Variants in FRMD4B observed in about 807,000 individuals in gnomAD.
FRMD4B encodes the protein FERM domain-containing protein 4B.
FRMD4B carries 74 observed loss-of-function variants against 141.5 expected under a neutral mutation model. The ratio of observed to expected loss-of-function variants is 0.52; its 90% confidence interval spans 0.43 to 0.63. The LOEUF is 0.63. Ranked by LOEUF, FRMD4B falls within the 30% of genes least tolerant of loss-of-function variation. FRMD4B has a pLI of 0.00. For missense variants in FRMD4B, 1,366 were observed against 1,253.4 expected (o/e 1.09, Z -1.36); for synonymous variants, 506 against 467.9 (o/e 1.08, Z -1.05).
intron 2 of FRMD4B, among the ~76,000 whole-genome samples, chr3:69,402,749 G>A (rs1018672957): frequency 6.6e-6 from 1 of 152,162 alleles, no homozygotes; most frequent in Non-Finnish European, 1.5e-5. Flanking sequence ...TATGACATGA[G>A]GGTAGGTGAG....
At position 69,538,556 on chromosome 3, in the gene FRMD4B, A is replaced by C. The variant is rs78522934; in HGVS notation, c.-129+3650T>G. Among the ~76,000 whole-genome samples the C allele has an allele frequency of 2.7e-3, 418 of 152,096 alleles. 6 individuals carry two copies. The East Asian group carries it at 0.05, about 18-fold the overall frequency. On this transcript the variant is annotated intron_variant, in intron 1 of 5. Transcript: ENST00000459638. The stretch of plus-strand genomic sequence containing the variant: ...TGACACTTGCTGTCTTGTTATACCT[A>C]AAAAAAATTACTGGTAGTAACCCAC...
At chr3:69,194,259 C>T (rs192623465) in intron 16 of FRMD4B, among the ~76,000 whole-genome samples, 1 of 152,270 alleles carries the variant, frequency 6.6e-6, no homozygotes, top group Admixed American at 6.5e-5. Flanking sequence ...GGTTGCATGA[C>T]CCTGGATACA....
chr3:69,538,309 AT>A (rs1239508755), intron 1 of FRMD4B, among the ~76,000 whole-genome samples: 1 of 151,826 alleles, frequency 6.6e-6, no homozygotes, highest in African/African-American at 2.4e-5. Flanking sequence ...TAAGAAAAAA[AT>A]ATATATTGTA....
At chr3:69,373,875 T>A (rs1278664022) in intron 1 of FRMD4B, among the ~76,000 whole-genome samples, 1 of 152,140 alleles carries the variant, frequency 6.6e-6, no homozygotes, top group African/African-American at 2.4e-5. Context: ...CCTGTCTCAA[T>A]CAATCAATCA....
intron 1 of FRMD4B, among the ~76,000 whole-genome samples, chr3:69,367,814 T>C (rs1703711861): frequency 6.6e-6 from 1 of 152,248 alleles, no homozygotes; most frequent in Admixed American, 6.5e-5. Context: ...TAGGAGGATT[T>C]CCTGAAATGG....
intron 4 of FRMD4B, among the ~76,000 whole-genome samples, chr3:69,295,687 C>T (rs1701013334): frequency 6.6e-6 from 1 of 152,172 alleles, no homozygotes; most frequent in Non-Finnish European, 1.5e-5. Flanking sequence ...CACAGCTTAG[C>T]TCCCTACTAC....
chr3:69,361,203 G>T (rs1703462828), intron 1 of FRMD4B, among the ~76,000 whole-genome samples: 2 of 151,932 alleles, frequency 1.3e-5, no homozygotes, highest in South Asian at 4.2e-4. Context: ...GGGCCATTTT[G>T]GTGAGTGAGA....
At chr3:69,418,344 A>G (rs906163541) in intron 2 of FRMD4B, among the ~76,000 whole-genome samples, 2 of 152,198 alleles carry the variant, frequency 1.3e-5, no homozygotes, top group Non-Finnish European at 2.9e-5. Flanking sequence ...TATAGTAGGC[A>G]GAAATCTAAC....
At chr3:69,317,177 C>T (rs1701829246) in intron 1 of FRMD4B, among the ~76,000 whole-genome samples, 1 of 152,172 alleles carries the variant, frequency 6.6e-6, no homozygotes, top group Non-Finnish European at 1.5e-5. Flanking sequence ...TTATTCTAGA[C>T]TATTCAACTG....
intron 22 of FRMD4B, among the ~76,000 whole-genome samples, chr3:69,172,700 C>G (rs1268171476): frequency 6.6e-6 from 1 of 152,128 alleles, no homozygotes; most frequent in Non-Finnish European, 1.5e-5. Context: ...CAGGACACAG[C>G]ATCACATTTA....
chr3:69,272,100 C>T (rs2093597083), intron 5 of FRMD4B, among the ~76,000 whole-genome samples: 1 of 152,150 alleles, frequency 6.6e-6, no homozygotes, highest in South Asian at 2.1e-4. Flanking sequence ...TATCAGTCTT[C>T]TGATGATTAG....
At chr3:69,470,646 T>C (rs984337577) in intron 1 of FRMD4B, among the ~76,000 whole-genome samples, 1 of 152,060 alleles carries the variant, frequency 6.6e-6, no homozygotes, top group African/African-American at 2.4e-5. Context: ...AGTCCTAGAG[T>C]TGCAACAAGT....
Position 69,188,073 on chromosome 3 carries a change from G to A in FRMD4B, c.1772-156C>T, listed in dbSNP as rs1035221779. 8.5e-5 allele frequency among the ~76,000 whole-genome samples: 13 copies of A among 152,142 alleles called. 1 individual carries two copies. Among genetic ancestry groups the A allele is most frequent in the Admixed American group, 8.5e-4 (13 of 15,268 alleles). On this transcript the variant is annotated intron_variant, in intron 18 of 22. Coordinates refer to ENST00000398540, the MANE Select transcript of FRMD4B (RefSeq NM_015123.3). ...TAGAAGAACATAACTCTTTCAAGAAGTTAATTTTTATATTTTATACACCAG... is the reference window on the plus strand; with the variant it reads ...TAGAAGAACATAACTCTTTCAAGAAATTAATTTTTATATTTTATACACCAG...
chr3:69,230,593 T>A (rs1460461273), intron 7 of FRMD4B, among the ~76,000 whole-genome samples: 2 of 151,518 alleles, frequency 1.3e-5, no homozygotes, highest in East Asian at 3.9e-4. Flanking sequence ...TAAAAAAATA[T>A]AAAAATTAGC....
intron 1 of FRMD4B, among the ~76,000 whole-genome samples, chr3:69,340,384 T>C (rs1038504524): frequency 2.0e-5 from 3 of 152,220 alleles, no homozygotes; most frequent in Non-Finnish European, 4.4e-5. Flanking sequence ...TCTCATTATT[T>C]AGCTCCCACT....
At chr3:69,304,045 C>A (rs1274005315) in intron 3 of FRMD4B, among the ~76,000 whole-genome samples, 2 of 151,984 alleles carry the variant, frequency 1.3e-5, no homozygotes, top group Non-Finnish European at 2.9e-5. Flanking sequence ...CTAATCCCAG[C>A]ACTTTAGGAG....
rs1414372844 is a variant in FRMD4B at position 69,465,828 on chromosome 3, T to A, written c.-128-33067A>T. 2.0e-5 allele frequency among the ~76,000 whole-genome samples: 3 copies of A among 152,218 alleles called. No homozygotes were observed. In the East Asian group the frequency reaches 5.8e-4, roughly 29 times the overall value. Reference sequence around the variant, plus strand: ...TGGGTTGGTTCCAAGTCTTTGCTATTGTGAATAGTGCCGCAATAAACATAT... The same window carrying A: ...TGGGTTGGTTCCAAGTCTTTGCTATAGTGAATAGTGCCGCAATAAACATAT... On this transcript the variant is annotated intron_variant, in intron 1 of 5. Coordinates refer to the FRMD4B transcript ENST00000459638.
intron 7 of FRMD4B, among the ~76,000 whole-genome samples, chr3:69,240,311 C>A (rs2093372281): frequency 1.3e-5 from 2 of 151,652 alleles, no homozygotes; most frequent in South Asian, 4.2e-4. Context: ...GAAAACCCAT[C>A]TCTACTAAAA....
chr3:69,330,861 C>T (rs1382042069), intron 1 of FRMD4B, among the ~76,000 whole-genome samples: 1 of 152,172 alleles, frequency 6.6e-6, no homozygotes, highest in Non-Finnish European at 1.5e-5. Flanking sequence ...GGAATCTTTT[C>T]CCTGCTGAAG....
Sources: allele counts gnomAD v4.1 joint callset (sites outside exome capture counted in the v4.1 genomes callset), GRCh38; gene constraint gnomAD v4.1.1; transcripts MANE v1.5; gene names NCBI Gene and HGNC (gene_info 2026-07-23, HGNC 2026-07-21).